CDKAL1: variants seen among roughly 807,000 people sequenced by gnomAD.
The protein encoded by CDKAL1 is threonylcarbamoyladenosine tRNA methylthiotransferase.
Under a neutral mutation model 68.2 loss-of-function variants are expected in CDKAL1, and 32 were observed. The ratio of observed to expected loss-of-function variants is 0.47; its 90% CI spans 0.35 to 0.63. CDKAL1 has a LOEUF of 0.63. Ranked by LOEUF, CDKAL1 falls within the 30% of genes least tolerant of loss-of-function variation. The pLI is 0.00. For missense variants in CDKAL1, 606 were observed against 696.7 expected (o/e 0.87, Z 1.47); for synonymous variants, 234 against 244.3 (o/e 0.96, Z 0.39).
At chr6:21,093,937 G>C (rs1188930358) in intron 12 of CDKAL1, among the ~76,000 whole-genome samples, 1 of 108,342 alleles carries the variant, frequency 9.2e-6, no homozygotes, top group Admixed American at 1.2e-4. Flanking sequence ...TTACTATCTT[G>C]TCCAGGCTGG....
intron 12 of CDKAL1, among the ~76,000 whole-genome samples, chr6:21,092,086 C>T (rs1325431723): frequency 1.3e-5 from 2 of 150,946 alleles, no homozygotes; most frequent in South Asian, 2.1e-4. Flanking sequence ...CGGGGTTTCA[C>T]CATGTTAGCC....
chr6:21,104,600 A>T lies in CDKAL1; in HGVS notation c.1237-3801A>T, dbSNP rs145766820. Among the ~76,000 whole-genome samples, 760 of 151,922 alleles carry T rather than the reference A, an allele frequency of 5.0e-3. 7 individuals carry two copies. The highest frequency in any genetic ancestry group is 0.017 in the African/African-American group (722 of 41,480). On this transcript the variant is annotated intron_variant, in intron 12 of 15. Coordinates refer to ENST00000274695, the MANE Select transcript of CDKAL1 (RefSeq NM_017774.3). ...ACCCCTGTTCTGGATTCCAGAAGAT[A>T]CTCCACTGGATTGTGTGACTGATCT... is the stretch of plus-strand genomic sequence containing the variant.
chr6:20,993,447 T>C (rs930278795), intron 10 of CDKAL1: 3 of 152,324 alleles, frequency 2.0e-5, no homozygotes, highest in East Asian at 3.9e-4. Flanking sequence ...TTGATCGCTA[T>C]TGGTGTGGAT....
In CDKAL1 at chr6:20,594,998, C is replaced by T. The variant is rs555896148; in HGVS notation, c.286+46293C>T. On this transcript the variant is annotated intron_variant, in intron 4 of 15. Coordinates refer to ENST00000274695, the MANE Select transcript of CDKAL1 (RefSeq NM_017774.3). ...TTCTTTAAGAATGTTGAATATTGGC[C>T]GCCACTCTCTGCTGACTTGTATGGT... Among the ~76,000 whole-genome samples the T allele has an allele frequency of 3.3e-5, 5 of 152,190 alleles. No individual in the cohort carries two copies. In the South Asian group the frequency reaches 6.2e-4, roughly 19 times the overall value.
intron 12 of CDKAL1, among the ~76,000 whole-genome samples, chr6:21,095,850 T>C (rs1198697195): frequency 6.6e-6 from 1 of 152,178 alleles, no homozygotes; most frequent in African/African-American, 2.4e-5. Flanking sequence ...AAAATGTGTA[T>C]GTTTAATATA....
Position 20,609,917 on chromosome 6 carries a change from G to A in CDKAL1, c.287-39376G>A, listed in dbSNP as rs192635668. Among the ~76,000 whole-genome samples, 192 of 151,872 alleles carry A rather than the reference G, an allele frequency of 1.3e-3. 2 individuals are homozygous for A. The highest frequency in any genetic ancestry group is 0.011 in the East Asian group (59 of 5,156). The stretch of plus-strand genomic sequence containing the variant: ...TATCCGTTAGTTATTTTTCCTGATC[G>A]TCTCCCTCCTCCTGCCCTCCATCCT... On this transcript the variant is annotated intron_variant, in intron 4 of 15. Transcript: ENST00000274695.
At chr6:21,174,882 A>G (rs58009478) in intron 13 of CDKAL1, among the ~76,000 whole-genome samples, 5,968 of 152,260 alleles carry the variant, frequency 0.039, 381 homozygotes, top group African/African-American at 0.13. Flanking sequence ...CCAAATGTCT[A>G]TTAATAGGAA....
At position 21,231,834 on chromosome 6, in the gene CDKAL1, A is replaced by C. The variant is rs971447662; in HGVS notation, c.*795A>C. 9 of 152,178 alleles carry C rather than the reference A, an allele frequency of 5.9e-5. No individual in the cohort carries two copies. Among genetic ancestry groups the C allele is most frequent in the African/African-American group, 2.2e-4 (9 of 41,444 alleles). 9.4% of individuals were successfully genotyped at this position (152,178 alleles called of 1,614,324 possible). A position where few individuals can be genotyped will look rare whatever the true frequency, so the allele number is the denominator to read the frequency against. ...CAGCAGATGTGTTCCTGAAAAGTGTATAGAAACCTGTTCTGGGAACCTGAA... is the reference window on the plus strand; with the variant it reads ...CAGCAGATGTGTTCCTGAAAAGTGTCTAGAAACCTGTTCTGGGAACCTGAA... On this transcript the variant is annotated 3_prime_UTR_variant, in exon 16 of 16. Transcript: ENST00000274695.
At chr6:20,832,738 T>C (rs1212246841) in intron 8 of CDKAL1, among the ~76,000 whole-genome samples, 1 of 152,208 alleles carries the variant, frequency 6.6e-6, no homozygotes, top group African/African-American at 2.4e-5. Context: ...GAAGTTCTTA[T>C]TGCCTTTAAT....
chr6:20,911,851 G>A (rs185599149), intron 9 of CDKAL1, among the ~76,000 whole-genome samples: 79 of 152,310 alleles, frequency 5.2e-4, no homozygotes, highest in Non-Finnish European at 9.3e-4. Flanking sequence ...GTTAATGTTT[G>A]CTTCATGCGC....
intron 4 of CDKAL1, among the ~76,000 whole-genome samples, chr6:20,607,699 CT>C (rs1189873867): frequency 3.4e-5 from 5 of 147,604 alleles, no homozygotes; most frequent in South Asian, 2.1e-4. Flanking sequence ...TTTCTTTTTT[CT>C]TTTTTTTTTC....
intron 5 of CDKAL1, among the ~76,000 whole-genome samples, chr6:20,649,928 A>G (rs1166662543): frequency 6.6e-6 from 1 of 152,206 alleles, no homozygotes; most frequent in African/African-American, 2.4e-5. Flanking sequence ...ATAGTATTCC[A>G]TGGTGTATAT....
intron 8 of CDKAL1, among the ~76,000 whole-genome samples, chr6:20,824,113 G>C (rs1284750804): frequency 1.3e-5 from 2 of 152,088 alleles, no homozygotes; most frequent in Non-Finnish European, 2.9e-5. Context: ...ACAACCAAAG[G>C]TGTTGTGTCT....
chr6:20,798,909 T>C (rs537854527), intron 8 of CDKAL1, among the ~76,000 whole-genome samples: 45 of 89,194 alleles, frequency 5.0e-4, no homozygotes, highest in African/African-American at 2.0e-3. Context: ...ACTTAAAGTA[T>C]AATAATACAA....
chr6:21,152,144 T>G (rs1228732934), intron 13 of CDKAL1, among the ~76,000 whole-genome samples: 1 of 152,214 alleles, frequency 6.6e-6, no homozygotes, highest in Non-Finnish European at 1.5e-5. Context: ...TTCATGATCT[T>G]TTTTCTGTCT....
chr6:21,098,225 T>A (rs1773410703), intron 12 of CDKAL1, among the ~76,000 whole-genome samples: 1 of 152,216 alleles, frequency 6.6e-6, no homozygotes, highest in Non-Finnish European at 1.5e-5. Context: ...TGGGAGGCTC[T>A]GATGAGGAAT....
At chr6:21,021,821 C>T (rs925864476) in intron 11 of CDKAL1, among the ~76,000 whole-genome samples, 5 of 152,210 alleles carry the variant, frequency 3.3e-5, no homozygotes, top group African/African-American at 9.6e-5. Flanking sequence ...TCCGTCCGGA[C>T]ATTTCAGTTG....
intron 13 of CDKAL1, among the ~76,000 whole-genome samples, chr6:21,147,163 C>T (rs1776216704): frequency 6.6e-6 from 1 of 152,070 alleles, no homozygotes; most frequent in Admixed American, 6.6e-5. Context: ...CAGGCAAGGA[C>T]CATTTCGAGT....
chr6:20,608,041 C>T (rs1173639136), intron 4 of CDKAL1, among the ~76,000 whole-genome samples: 2 of 152,164 alleles, frequency 1.3e-5, no homozygotes, highest in East Asian at 3.9e-4. Flanking sequence ...GTACTTACAT[C>T]TGAGTGTGTT....
Sources: gnomAD v4.1 joint callset for allele counts (sites outside exome capture counted in the v4.1 genomes callset) on GRCh38, gnomAD v4.1.1 for gene constraint, MANE v1.5 for transcripts, NCBI Gene and HGNC (gene_info 2026-07-23, HGNC 2026-07-21) for gene names.